Variants in RCL1 observed in about 807,000 individuals in gnomAD.
RCL1 encodes RNA 3'-terminal phosphate cyclase-like protein.
RCL1 carries 24 observed loss-of-function variants against 42.4 expected under a neutral mutation model. The observed-to-expected ratio is 0.57, with a 90% CI of 0.41 to 0.80. The LOEUF (loss-of-function observed/expected upper bound fraction) is 0.80, where lower values mean the gene tolerates loss of function less well. Among genes scored for constraint, RCL1 ranks in the 30% least tolerant of loss-of-function variants. The pLI is 0.00. For missense variants in RCL1, 578 were observed against 467.9 expected (o/e 1.24, Z -2.17); for synonymous variants, 228 against 177.3 (o/e 1.29, Z -2.27).
At chr9:4,848,068 G>A (rs567906755) in intron 7 of RCL1, among the ~76,000 whole-genome samples, 12 of 152,332 alleles carry the variant, frequency 7.9e-5, no homozygotes, top group African/African-American at 2.6e-4. Context: ...CCAGTGAATG[G>A]TGAAATAACA....
intron 7 of RCL1, 61 bp from the exon 8 acceptor site, chr9:4,849,386 C>A: frequency 7.9e-7 from 1 of 1,265,706 alleles, no homozygotes. Context: ...TTTTTTTTTC[C>A]TCCTCTCTTT....
At chr9:4,834,940 G>A (rs956497449) in intron 5 of RCL1, among the ~76,000 whole-genome samples, 7 of 152,178 alleles carry the variant, frequency 4.6e-5, no homozygotes, top group African/African-American at 1.2e-4. Flanking sequence ...CCTGGTCTGT[G>A]TGACTCTAAA....
chr9:4,793,180 T>A lies in RCL1; in HGVS notation c.89T>A (p.Val30Asp). Residue 30 changes from valine to aspartate, a missense_variant, in exon 1 of 9, where the codon GTC becomes GAC. Val to Asp is a radical substitution (Grantham distance 152). Transcript: ENST00000381750. ...LVLSTLSGRP[V>D]KIRKIRARDD... ...CTGTCTACCCTGAGCGGGCGCCCCG[T>A]CAAAATCCGAAAGATTCGGGCCAGA... 6.2e-7 allele frequency: 1 copy of A among 1,610,530 alleles called. No individual in the cohort carries two copies. Among genetic ancestry groups the A allele is most frequent in the Middle Eastern group, 1.7e-4 (1 of 6,056 alleles).
At chr9:4,835,681 C>G (rs1312684327) in intron 5 of RCL1, among the ~76,000 whole-genome samples, 1 of 152,210 alleles carries the variant, frequency 6.6e-6, no homozygotes, top group Non-Finnish European at 1.5e-5. Flanking sequence ...ATTAAAAGCC[C>G]AGGTGCTGGA....
chr9:4,841,226 C>A lies in RCL1; in HGVS notation c.585-6C>A. 6.2e-7 allele frequency: 1 copy of A among 1,613,998 alleles called. No individual in the cohort carries two copies. Among genetic ancestry groups the A allele is most frequent in the South Asian group, 1.1e-5 (1 of 91,086 alleles). ...GCAGAATGACATCCTTAACTCCAGG[C>A]TGCAGGTACTCTGTACGTGTGTCAC... On this transcript the variant is annotated splice_polypyrimidine_tract_variant and splice_region_variant and intron_variant, in intron 5 of 8. Coordinates refer to ENST00000381750, the MANE Select transcript of RCL1 (RefSeq NM_005772.5).
chr9:4,816,763 A>G lies in RCL1; in HGVS notation c.137-6785A>G, dbSNP rs149870013. On this transcript the variant is annotated intron_variant, in intron 1 of 8. Coordinates refer to ENST00000381750, the MANE Select transcript of RCL1 (RefSeq NM_005772.5). ...ATGTTTTTTAGTGATGTTCTTAACT[A>G]TACTACAATAGCCATCTTTACACAT... Among the ~76,000 whole-genome samples, 386 of 152,322 alleles carry G rather than the reference A, an allele frequency of 2.5e-3. 4 individuals carry two copies. The highest frequency in any genetic ancestry group is 8.8e-3 in the African/African-American group (366 of 41,566).
chr9:4,848,444 T>A (rs1817593610), intron 7 of RCL1, among the ~76,000 whole-genome samples: 1 of 152,138 alleles, frequency 6.6e-6, no homozygotes, highest in African/African-American at 2.4e-5. Context: ...CTACATGCCT[T>A]AAAAAGGAGG....
At chr9:4,799,195 A>G (rs982310361) in intron 1 of RCL1, among the ~76,000 whole-genome samples, 2 of 151,386 alleles carry the variant, frequency 1.3e-5, no homozygotes, top group Admixed American at 6.6e-5. Context: ...AGTGATCTCA[A>G]ACTACTGGCG....
chr9:4,834,489 T>C (rs1817055912), intron 5 of RCL1, among the ~76,000 whole-genome samples: 1 of 150,624 alleles, frequency 6.6e-6, no homozygotes, highest in Non-Finnish European at 1.5e-5. Context: ...TTTTTTTTTT[T>C]TAATTTTCCG....
intron 8 of RCL1, among the ~76,000 whole-genome samples, chr9:4,857,538 G>C (rs576775754): frequency 2.6e-5 from 4 of 152,054 alleles, no homozygotes; most frequent in African/African-American, 9.7e-5. Flanking sequence ...TTGCTTCTAC[G>C]TTTTGACTCT....
Position 4,801,934 on chromosome 9 carries a change from C to T in RCL1, c.136+8707C>T, listed in dbSNP as rs114792495. 5.9e-5 allele frequency among the ~76,000 whole-genome samples: 9 copies of T among 151,344 alleles called. No individual in the cohort carries two copies. In the South Asian group the frequency reaches 1.9e-3, roughly 31 times the overall value. On this transcript the variant is annotated intron_variant, in intron 1 of 8. Coordinates refer to ENST00000381750, the MANE Select transcript of RCL1 (RefSeq NM_005772.5). ...AGTCTTTTTTTCTTTTTTTTTGAGACGGAATCTCGCTCTGTTGCCGCTGGA... is the reference window on the plus strand; with the variant it reads ...AGTCTTTTTTTCTTTTTTTTTGAGATGGAATCTCGCTCTGTTGCCGCTGGA...
At chr9:4,833,080 T>C (rs1817003408) in intron 3 of RCL1, 74 bp from the exon 4 acceptor site, 1 of 1,018,874 alleles carries the variant, frequency 9.8e-7, no homozygotes, top group African/African-American at 1.6e-5. Context: ...TTGCTAAGCC[T>C]TACTTGTTTT....
At position 4,793,082 on chromosome 9, in the gene RCL1, G is replaced by C. The variant is rs768843264; in HGVS notation, c.-10G>C. 5.0e-6 allele frequency: 8 copies of C among 1,607,342 alleles called. No homozygotes were observed. Among genetic ancestry groups the C allele is most frequent in the Non-Finnish European group, 6.8e-6 (8 of 1,177,230 alleles). ...CTCGGGCTGCTCACGTCTCTTCGGA[G>C]AGCGCGCACATGGCGACTCAGGCGC... On this transcript the variant is annotated 5_prime_UTR_variant, in exon 1 of 9. Coordinates refer to ENST00000381750, the MANE Select transcript of RCL1 (RefSeq NM_005772.5).
chr9:4,833,513 A>G (rs1044623532), intron 4 of RCL1, among the ~76,000 whole-genome samples: 10 of 152,210 alleles, frequency 6.6e-5, no homozygotes, highest in African/African-American at 2.4e-4. Flanking sequence ...AGCTCCGCCC[A>G]TGTGCCTCAG....
chr9:4,833,787 A>G (rs1037108137), intron 4 of RCL1, among the ~76,000 whole-genome samples: 1 of 152,208 alleles, frequency 6.6e-6, no homozygotes, highest in African/African-American at 2.4e-5. Context: ...GTTTTGGTAG[A>G]TCCGTTATTT....
intron 8 of RCL1, among the ~76,000 whole-genome samples, chr9:4,856,633 C>A (rs1429556328): frequency 1.3e-5 from 2 of 152,020 alleles, no homozygotes; most frequent in Non-Finnish European, 2.9e-5. Context: ...GCTATGGAAA[C>A]CTGGAGGGGT....
At chr9:4,819,371 G>C (rs1816504006) in intron 1 of RCL1, among the ~76,000 whole-genome samples, 1 of 152,228 alleles carries the variant, frequency 6.6e-6, no homozygotes, top group African/African-American at 2.4e-5. Context: ...TGCTGGTTTA[G>C]AGAATCTTTG....
At chr9:4,815,802 A>G (rs1003157158) in intron 1 of RCL1, among the ~76,000 whole-genome samples, 1 of 152,164 alleles carries the variant, frequency 6.6e-6, no homozygotes, top group Admixed American at 6.5e-5. Context: ...GCTTAGGCCT[A>G]TGAGGACTGC....
In RCL1 at chr9:4,841,292, C is replaced by T. The variant is rs777025963; in HGVS notation, c.645C>T (p.Ile215=). The T allele has an allele frequency of 1.9e-6, 3 of 1,612,992 alleles. No homozygotes were observed. The East Asian group carries it at 6.7e-5, about 36-fold the overall frequency. Residue 215 remains isoleucine (I), a synonymous_variant, in exon 6 of 9, where the codon ATC becomes ATT. Transcript: ENST00000381750. ...GGATTGTGGATTCTGCAAGGAGCATCCTCAACAAGTTCATACCTGATATCT... is the reference window on the plus strand; with the variant it reads ...GGATTGTGGATTCTGCAAGGAGCATTCTCAACAAGTTCATACCTGATATCT... ...ANRIVDSARS[I]LNKFIPDIYI...
Sources: gnomAD v4.1 joint callset for allele counts (sites outside exome capture counted in the v4.1 genomes callset) on GRCh38, gnomAD v4.1.1 for gene constraint, MANE v1.5 for transcripts, NCBI Gene and HGNC (gene_info 2026-07-23, HGNC 2026-07-21) for gene names.